The following MYO16 variants were observed in gnomAD, a reference collection of about 807,000 sequenced individuals.
The protein encoded by MYO16 is unconventional myosin-XVI.
In MYO16, 94 loss-of-function variants were observed where a neutral mutation model predicts 205.3. The observed-to-expected ratio is 0.46, with a 90% CI of 0.39 to 0.54. MYO16 has a LOEUF of 0.54. MYO16 is among the 20% of genes least tolerant of loss of function. The pLI, the probability that MYO16 is intolerant of heterozygous loss-of-function variation, is 0.00. For missense variants in MYO16, 2,315 were observed against 2,387.5 expected, an observed-to-expected ratio of 0.97 and a Z score of 0.63; for synonymous variants, 988 against 954.0, an observed-to-expected ratio of 1.04 and a Z score of -0.66.
intron 31 of MYO16, among the ~76,000 whole-genome samples, chr13:109,130,550 A>G (rs1876485033): frequency 6.6e-6 from 1 of 152,242 alleles, no homozygotes; most frequent in Non-Finnish European, 1.5e-5. Flanking sequence ...CTTGCTGATT[A>G]GTTTTTACAG....
At chr13:108,899,430 A>T (rs1345201096) in intron 15 of MYO16, among the ~76,000 whole-genome samples, 1 of 152,168 alleles carries the variant, frequency 6.6e-6, no homozygotes, top group Non-Finnish European at 1.5e-5. Context: ...TCTCAAAAAA[A>T]AAAAAAGAAA....
intron 23 of MYO16, among the ~76,000 whole-genome samples, chr13:109,023,410 A>C (rs1260683261): frequency 0.023 from 1,925 of 84,724 alleles, 60 homozygotes; most frequent in Middle Eastern, 0.056. Flanking sequence ...TTTATATATT[A>C]TACAGATATA....
At chr13:108,896,097 A>G (rs1472393472) in intron 14 of MYO16, among the ~76,000 whole-genome samples, 1 of 152,154 alleles carries the variant, frequency 6.6e-6, no homozygotes, top group East Asian at 1.9e-4. Flanking sequence ...CCCTATATTG[A>G]CTGTTAGGGG....
At chr13:108,939,097 C>T (rs1303765956) in intron 16 of MYO16, among the ~76,000 whole-genome samples, 2 of 152,188 alleles carry the variant, frequency 1.3e-5, no homozygotes, top group African/African-American at 2.4e-5. Flanking sequence ...AATCTCAGGC[C>T]CAAGACTAAT....
chr13:109,003,475 A>T (rs553527702), intron 21 of MYO16, among the ~76,000 whole-genome samples: 1 of 152,218 alleles, frequency 6.6e-6, no homozygotes, highest in African/African-American at 2.4e-5. Flanking sequence ...AATCATTTTG[A>T]TTGACCAAGA....
chr13:108,650,769 C>G (rs893941070), intron 1 of MYO16, among the ~76,000 whole-genome samples: 2 of 152,044 alleles, frequency 1.3e-5, no homozygotes. Flanking sequence ...TGAAGACGCT[C>G]AGTAGTGGAG....
intron 34 of MYO16, among the ~76,000 whole-genome samples, chr13:109,181,983 C>G (rs1879475983): frequency 6.6e-6 from 1 of 151,898 alleles, no homozygotes; most frequent in African/African-American, 2.4e-5. Flanking sequence ...CCACACCCAG[C>G]TAATTTTGTA....
At chr13:108,604,089 C>T (rs1309264807) in intron 1 of MYO16, among the ~76,000 whole-genome samples, 2 of 152,056 alleles carry the variant, frequency 1.3e-5, no homozygotes, top group Non-Finnish European at 2.9e-5. Flanking sequence ...GGAAAAGCCC[C>T]TTCTAAAACC....
chr13:108,553,218 C>T, the MYO16 span, among the ~76,000 whole-genome samples: 2 of 151,676 alleles, frequency 1.3e-5, no homozygotes, highest in Non-Finnish European at 2.9e-5. Flanking sequence ...GTCTAGAATT[C>T]CTGACCTCAT....
chr13:108,997,789 G>T (rs1885083337), intron 21 of MYO16, among the ~76,000 whole-genome samples: 1 of 152,120 alleles, frequency 6.6e-6, no homozygotes, highest in Admixed American at 6.5e-5. Context: ...AGTGAGCGGA[G>T]ATCGCACCAC....
At chr13:108,721,983 G>A (rs555684059) in intron 3 of MYO16, among the ~76,000 whole-genome samples, 7 of 152,262 alleles carry the variant, frequency 4.6e-5, no homozygotes, top group Non-Finnish European at 1.0e-4. Flanking sequence ...GTCACACGGG[G>A]CCTTCTTTTT....
intron 11 of MYO16, among the ~76,000 whole-genome samples, chr13:108,864,264 C>A (rs768300275): frequency 4.6e-5 from 7 of 151,656 alleles, no homozygotes; most frequent in Non-Finnish European, 1.0e-4. Flanking sequence ...TTTTCCTTTT[C>A]TAACAAGTAT....
At chr13:108,556,153 T>C in the MYO16 span, among the ~76,000 whole-genome samples, 16 of 152,172 alleles carry the variant, frequency 1.1e-4, no homozygotes, top group African/African-American at 3.6e-4. Context: ...TTTGGATATA[T>C]ATCTGGTAGT....
the MYO16 span, among the ~76,000 whole-genome samples, chr13:108,545,226 A>G: frequency 8.2e-4 from 125 of 152,192 alleles, no homozygotes; most frequent in African/African-American, 3.0e-3. Context: ...CTGGATGTTT[A>G]GCTTCCATTT....
the MYO16 span, among the ~76,000 whole-genome samples, chr13:108,529,493 A>T: frequency 1.3e-5 from 2 of 152,274 alleles, no homozygotes; most frequent in East Asian, 3.9e-4. Flanking sequence ...TTAAAACCCC[A>T]CCAGGGCAAG....
intron 9 of MYO16, among the ~76,000 whole-genome samples, chr13:108,840,922 G>A (rs1398327143): frequency 6.6e-6 from 1 of 152,264 alleles, no homozygotes; most frequent in East Asian, 1.9e-4. Context: ...AAAGGTACTT[G>A]TTTTCATGCA....
At chr13:108,806,859 TTTCATA>T in intron 7 of MYO16, 55 bp downstream of exon 7, 1 of 1,226,014 alleles carries the variant, frequency 8.2e-7, no homozygotes. Context: ...TAATGAATAA[TTTCATA>T]TTCAATTTTG....
intron 1 of MYO16, among the ~76,000 whole-genome samples, chr13:108,638,071 T>A: frequency 6.6e-6 from 1 of 151,670 alleles, no homozygotes; most frequent in East Asian, 1.9e-4. Flanking sequence ...GGAAGCAGAG[T>A]GGACTTGAGG....
intron 1 of MYO16, among the ~76,000 whole-genome samples, chr13:108,651,839 A>G (rs1473699489): frequency 6.6e-6 from 1 of 152,230 alleles, no homozygotes; most frequent in Non-Finnish European, 1.5e-5. Context: ...TGTTGCACAC[A>G]TGTAATTTCT....
Sources: gnomAD v4.1 joint callset for allele counts (sites outside exome capture counted in the v4.1 genomes callset) on GRCh38, gnomAD v4.1.1 for gene constraint, MANE v1.5 for transcripts, NCBI Gene and HGNC (gene_info 2026-07-23, HGNC 2026-07-21) for gene names.